The following IARS2 variants were observed in gnomAD, a reference collection of about 807,000 sequenced individuals.
The protein encoded by IARS2 is isoleucine--tRNA ligase, mitochondrial.
Under a neutral mutation model 126.3 loss-of-function variants are expected in IARS2, and 56 were observed. That is an observed-to-expected ratio of 0.44 (90% CI 0.36 to 0.55). The LOEUF (loss-of-function observed/expected upper bound fraction) is 0.55. Ranked by LOEUF, IARS2 falls within the 20% of genes least tolerant of loss-of-function variation. IARS2 has a pLI of 0.00. For missense variants in IARS2, 1,127 were observed against 1,245.9 expected, an observed-to-expected ratio of 0.90 and a Z score of 1.44; for synonymous variants, 407 against 441.1, an observed-to-expected ratio of 0.92 and a Z score of 0.97.
At position 220,141,858 on chromosome 1, in the gene IARS2, G is replaced by T. The variant is rs1657498337; in HGVS notation, c.2470G>T (p.Val824Phe). ...PKRRSCQTALVEILDVIVRSF... is the reference protein window; with the variant it reads ...PKRRSCQTALFEILDVIVRSF... Reference sequence around the variant, plus strand: ...ACGACGCTCTTGTCAGACTGCATTAGTTGAAATTTTGGATGTAATAGTTCG... The same window carrying T: ...ACGACGCTCTTGTCAGACTGCATTATTTGAAATTTTGGATGTAATAGTTCG... The change falls in exon 20 of 23, where the codon GTT becomes TTT. Residue 824 changes from valine (V) to phenylalanine (F), a missense_variant. Physicochemically the swap from Val to Phe is conservative, Grantham distance 50 (BLOSUM62 -1). Coordinates refer to ENST00000366922, the MANE Select transcript of IARS2 (RefSeq NM_018060.4). The T allele has an allele frequency of 6.2e-7, 1 of 1,614,176 alleles. No individual in the cohort carries two copies. The highest frequency in any genetic ancestry group is 8.5e-7 in the Non-Finnish European group (1 of 1,180,034).
rs890413232 is a variant in IARS2 at position 220,107,081 on chromosome 1, T to C, written c.1257T>C (p.Asp419=). ...TATAGGATTGTCTAGTGGACGAAGA[T>C]GGAGTTTTCACAGATGTTGCAGGTC... ...NLPMDCLVDE[D]GVFTDVAGPE... Residue 419 remains aspartate, a synonymous_variant, in exon 10 of 23, where the codon GAT becomes GAC. Transcript: ENST00000366922. 1 of 1,612,186 alleles carries C rather than the reference T, an allele frequency of 6.2e-7. No individual in the cohort carries two copies. The highest frequency in any genetic ancestry group is 8.5e-7 in the Non-Finnish European group (1 of 1,178,230).
rs761745187 is a variant in IARS2, at chr1:220,103,496, G to A, written c.1000G>A (p.Ala334Thr). 6.2e-7 allele frequency: 1 copy of A among 1,613,360 alleles called. No individual in the cohort carries two copies. Among genetic ancestry groups the A allele is most frequent in the Non-Finnish European group, 8.5e-7 (1 of 1,179,438 alleles). Reference protein sequence around the residue: ...SKSGDLYVLAADKVASVASTL... With the variant: ...SKSGDLYVLATDKVASVASTL... ...GTCTGGAGACCTCTACGTACTGGCG[G>A]CAGATAAAGTAGCATCTGTTGCTTC... Residue 334 changes from alanine to threonine, a missense_variant, in exon 8 of 23, where the codon GCA becomes ACA. Coordinates refer to ENST00000366922, the MANE Select transcript of IARS2 (RefSeq NM_018060.4).
Position 220,107,120 on chromosome 1 carries a change from CAAGG to C in IARS2, c.1297_1300del (p.Lys433LeufsTer11). ...ATGTTGCAGGTCCTGAACTTCAAAA[CAAGG>C]CTGTCCTTGAAGAGGGAACTGATGT... On this transcript the variant is annotated frameshift_variant, in exon 10 of 23. Transcript: ENST00000366922. LOFTEE classifies it high-confidence loss of function. 3 of 1,613,282 alleles carry C rather than the reference CAAGG, an allele frequency of 1.9e-6. No homozygotes were observed. In the South Asian group the frequency reaches 3.3e-5, roughly 18 times the overall value.
In IARS2 at chr1:220,100,480, A is replaced by G; in HGVS notation, c.391-10A>G. 1 of 1,589,778 alleles carries G rather than the reference A, an allele frequency of 6.3e-7. No homozygotes were observed. The highest frequency in any genetic ancestry group is 8.6e-7 in the Non-Finnish European group (1 of 1,166,764). The stretch of plus-strand genomic sequence containing the variant: ...ATGTATGAATGATAATTATCATTTT[A>G]TCTTTGCAGATTTTGAAAGACATAG... On this transcript the variant is annotated splice_polypyrimidine_tract_variant and intron_variant, in intron 2 of 22. Transcript: ENST00000366922.
intron 2 of IARS2, among the ~76,000 whole-genome samples, chr1:220,097,943 C>T (rs1200722915): frequency 6.6e-6 from 1 of 151,658 alleles, no homozygotes; most frequent in Non-Finnish European, 1.5e-5. Flanking sequence ...GGCGCAGTCT[C>T]GGCTCACTGC....
intron 22 of IARS2, 37 bp downstream of exon 22, chr1:220,145,690 G>T: frequency 6.4e-7 from 1 of 1,564,240 alleles, no homozygotes; most frequent in South Asian, 1.2e-5. Flanking sequence ...AACATCTGGA[G>T]AATTGAATAA....
Position 220,138,994 on chromosome 1 carries a change from C to A in IARS2, c.2176-14C>A. On this transcript the variant is annotated splice_polypyrimidine_tract_variant and intron_variant, in intron 17 of 22. Coordinates refer to ENST00000366922, the MANE Select transcript of IARS2 (RefSeq NM_018060.4). ...AGATTTTTTTAACTGCATATTTTTT[C>A]TTCCTATGAATAGCTTAGGAATACA... 1 of 1,593,042 alleles carries A rather than the reference C, an allele frequency of 6.3e-7. No individual in the cohort carries two copies. The highest frequency in any genetic ancestry group is 8.5e-7 in the Non-Finnish European group (1 of 1,172,264).
Position 220,141,211 on chromosome 1 carries a change from C to T in IARS2, c.2415-592C>T, listed in dbSNP as rs569361390. ...AAAAATCATCACTACTAATATCAGA[C>T]GATGAACATAATGCTTGTTCTCAGG... On this transcript the variant is annotated intron_variant, in intron 19 of 22. Transcript: ENST00000366922. Among the ~76,000 whole-genome samples the T allele has an allele frequency of 9.9e-5, 15 of 152,224 alleles. No homozygotes were observed. The South Asian group carries it at 1.7e-3, about 17-fold the overall frequency.
intron 2 of IARS2, among the ~76,000 whole-genome samples, chr1:220,099,080 G>T (rs977848543): frequency 6.6e-6 from 1 of 151,970 alleles, no homozygotes; most frequent in Admixed American, 6.6e-5. Context: ...GGGCATGGTG[G>T]CATGTGCCTG....
Position 220,139,026 on chromosome 1 carries a change from T to C in IARS2, c.2194T>C (p.Phe732Leu). Reference sequence around the variant, plus strand: ...TGAATAGCTTAGGAATACACTTCGCTTTCTTTTGGGAAATGTGGCTGATTT... The same window carrying C: ...TGAATAGCTTAGGAATACACTTCGCCTTCTTTTGGGAAATGTGGCTGATTT... ...DISKLRNTLRFLLGNVADFNP... is the reference protein window; with the variant it reads ...DISKLRNTLRLLLGNVADFNP... Residue 732 changes from phenylalanine to leucine, a missense_variant, in exon 18 of 23, where the codon TTT becomes CTT. Phe to Leu is a conservative substitution (Grantham distance 22, BLOSUM62 0). Transcript: ENST00000366922. 6.2e-7 allele frequency: 1 copy of C among 1,613,670 alleles called. No homozygotes were observed. The highest frequency in any genetic ancestry group is 8.5e-7 in the Non-Finnish European group (1 of 1,179,788).
rs760335851 is a variant in IARS2, at chr1:220,137,971, T to C, written c.2103T>C (p.Ala701=). The change falls in exon 17 of 23, where the codon GCT becomes GCC. Residue 701 remains alanine, a synonymous_variant. Coordinates refer to ENST00000366922, the MANE Select transcript of IARS2 (RefSeq NM_018060.4). ...CTGATGTCCTTCGCTGGTGGGTAGC[T>C]GATTCCAATGTCTTCACCGAAGTTG... The part of the protein sequence containing the change: ...YGADVLRWWV[A]DSNVFTEVAI... 39 of 1,614,166 alleles carry C rather than the reference T, an allele frequency of 2.4e-5. 1 individual carries two copies. The Admixed American group carries it at 6.2e-4, about 26-fold the overall frequency.
chr1:220,094,263 C>G lies in IARS2; in HGVS notation c.47C>G (p.Ala16Gly). Residue 16 changes from alanine (A) to glycine (G), a missense_variant, in exon 1 of 23, where the codon GCC becomes GGC. Physicochemically the swap from Ala to Gly is moderately conservative, Grantham distance 60. Coordinates refer to ENST00000366922, the MANE Select transcript of IARS2 (RefSeq NM_018060.4). Reference sequence around the variant, plus strand: ...CGCGGGCCGGGCGCGGCCGCCCTGGCCACTGCCCGAAGTTTGTGGGGGACG... The same window carrying G: ...CGCGGGCCGGGCGCGGCCGCCCTGGGCACTGCCCGAAGTTTGTGGGGGACG... ...RPRGPGAAAL[A>G]TARSLWGTPR... The G allele has an allele frequency of 6.2e-7, 1 of 1,607,230 alleles. No homozygotes were observed. The highest frequency in any genetic ancestry group is 8.5e-7 in the Non-Finnish European group (1 of 1,176,928).
chr1:220,144,953 G>T (rs1346429471), intron 21 of IARS2, among the ~76,000 whole-genome samples: 1 of 152,068 alleles, frequency 6.6e-6, no homozygotes, highest in Non-Finnish European at 1.5e-5. Flanking sequence ...AGAGAAAAAT[G>T]TGTTCATCAG....
chr1:220,146,874 G>C (rs1657605644), intron 22 of IARS2, among the ~76,000 whole-genome samples: 2 of 152,090 alleles, frequency 1.3e-5, no homozygotes, highest in South Asian at 4.1e-4. Context: ...GTTTCACCAT[G>C]TTGGCCAGGC....
chr1:220,105,984 G>T lies in IARS2; in HGVS notation c.1160G>T (p.Gly387Val), dbSNP rs748379506. 5.3e-5 allele frequency: 85 copies of T among 1,613,988 alleles called. No individual in the cohort carries two copies. Among genetic ancestry groups the T allele is most frequent in the Non-Finnish European group, 6.8e-5 (80 of 1,180,012 alleles). ...LPANHVTMAK[G>V]TGLVHTAPAH... is the part of the protein sequence containing the mutation. The stretch of plus-strand genomic sequence containing the variant: ...GCAAATCATGTGACCATGGCAAAAG[G>T]AACGGGATTGGTTCACACAGCCCCA... Residue 387 changes from glycine (G) to valine (V), a missense_variant, in exon 9 of 23, where the codon GGA (glycine) becomes GTA (valine). Gly to Val is a moderately radical substitution (Grantham distance 109). Coordinates refer to ENST00000366922, the MANE Select transcript of IARS2 (RefSeq NM_018060.4).
At chr1:220,137,018 ATACTCTC>A in intron 16 of IARS2, 107 bp downstream of exon 16, 1 of 616,252 alleles carries the variant, frequency 1.6e-6, no homozygotes, top group Non-Finnish European at 2.8e-6. Flanking sequence ...ACTATCTTTT[ATACTCTC>A]AAATAACACA....
chr1:220,134,584 A>G, intron 15 of IARS2, 74 bp downstream of exon 15: 2 of 798,696 alleles, frequency 2.5e-6, no homozygotes, highest in South Asian at 4.3e-5. Context: ...TACTACAGAG[A>G]TGATAAGGCA....
rs1656387995 is a variant in IARS2 at position 220,094,247 on chromosome 1, GGC to G, written c.35_36del (p.Ala12GlyfsTer38). On this transcript the variant is annotated frameshift_variant, in exon 1 of 23. Transcript: ENST00000366922. LOFTEE classifies it high-confidence loss of function. MRWGLRPRGP[G>X]AAALATARSL... Reference sequence around the variant, plus strand: ...TTGGGGGCTGCGCCCTCGCGGGCCGGGCGCGGCCGCCCTGGCCACTGCCCGAA... The same window carrying G: ...TTGGGGGCTGCGCCCTCGCGGGCCGGGCGGCCGCCCTGGCCACTGCCCGAA... 2 of 1,597,986 alleles carry G rather than the reference GGC, an allele frequency of 1.3e-6. No homozygotes were observed. The highest frequency in any genetic ancestry group is 1.7e-6 in the Non-Finnish European group (2 of 1,172,474).
intron 21 of IARS2, chr1:220,144,402 G>C: frequency 3.6e-6 from 2 of 562,716 alleles, no homozygotes; most frequent in South Asian, 2.2e-5. Flanking sequence ...AGTTTTATTA[G>C]TGTCAGTTTT....
Sources: gnomAD v4.1 joint callset for allele counts (sites outside exome capture counted in the v4.1 genomes callset) on GRCh38, gnomAD v4.1.1 for gene constraint, MANE v1.5 for transcripts, NCBI Gene and HGNC (gene_info 2026-07-23, HGNC 2026-07-21) for gene names.